The following PIAS1 variants were observed in gnomAD, a reference collection of about 807,000 sequenced individuals.
PIAS1 encodes E3 SUMO-protein ligase PIAS1.
A neutral mutation model predicts 71.3 loss-of-function variants in PIAS1; 6 were observed. The ratio of observed to expected loss-of-function variants is 0.08; its 90% CI spans 0.05 to 0.17. PIAS1 has a LOEUF of 0.17. Ranked by LOEUF, PIAS1 falls within the 10% of genes least tolerant of loss-of-function variation. The pLI, the probability that PIAS1 is intolerant of heterozygous loss-of-function variation, is 1.00. For missense variants in PIAS1, 555 were observed against 793.6 expected (o/e 0.70, Z 3.61); for synonymous variants, 303 against 292.9 (o/e 1.03, Z -0.35).
chr15:68,167,228 A>G lies in PIAS1; in HGVS notation c.1008+2424A>G, dbSNP rs2092963360. Among the ~76,000 whole-genome samples, 1 of 152,128 alleles carries G rather than the reference A, an allele frequency of 6.6e-6. No individual in the cohort carries two copies. Among genetic ancestry groups the G allele is most frequent in the Admixed American group, 6.6e-5 (1 of 15,256 alleles). On this transcript the variant is annotated intron_variant, in intron 8 of 13. Coordinates refer to ENST00000249636, the MANE Select transcript of PIAS1 (RefSeq NM_016166.3). The surrounding 1 kb of genome is among the most constrained non-coding windows in gnomAD (Gnocchi z 4.4). ...GTGTGTGTGTGTATGTGTAAAATGT[A>G]TAATTATAATACTTTCATGGGTTTC...
intron 11 of PIAS1, among the ~76,000 whole-genome samples, chr15:68,179,356 CTT>C (rs2093038314): frequency 6.6e-6 from 1 of 152,044 alleles, no homozygotes; most frequent in African/African-American, 2.4e-5. Context: ...CTTATAATCT[CTT>C]AGACATTGTG....
intron 6 of PIAS1, among the ~76,000 whole-genome samples, chr15:68,149,878 G>A (rs993261741): frequency 6.6e-6 from 1 of 151,990 alleles, no homozygotes; most frequent in Non-Finnish European, 1.5e-5. Flanking sequence ...AAACAATGCA[G>A]GCACTAGTGG....
At chr15:68,183,996 C>G (rs1045991747) in intron 13 of PIAS1, 1 of 171,668 alleles carries the variant, frequency 5.8e-6, no homozygotes, top group African/African-American at 2.4e-5. Flanking sequence ...TTAGAGTGTA[C>G]CTCTACTTTT....
Position 68,174,947 on chromosome 15 carries a change from T to C in PIAS1, c.1170-690T>C, listed in dbSNP as rs577668616. On this transcript the variant is annotated intron_variant, in intron 9 of 13. Transcript: ENST00000249636. This position sits in a 1 kb window ranked among gnomAD's most constrained non-coding sequence, Gnocchi z 4.0. ...AATAGTGATATTTTCCAACTTTATA[T>C]GTTACATAGCTTTAGGTTCTCCCAT... Among the ~76,000 whole-genome samples, 33 of 152,344 alleles carry C rather than the reference T, an allele frequency of 2.2e-4. No homozygotes were observed. In the South Asian group the frequency reaches 4.8e-3, roughly 22 times the overall value.
At chr15:68,179,582 T>TTTTTTTTTTTTTTTTTTTTG (rs2093040985) in intron 11 of PIAS1, among the ~76,000 whole-genome samples, 2 of 121,812 alleles carry the variant, frequency 1.6e-5, no homozygotes, top group Non-Finnish European at 3.4e-5. Context: ...TTTTTTTTTT[T>TTTTTTTTTTTTTTTTTTTTG]TTTTTTTTTT....
intron 1 of PIAS1, among the ~76,000 whole-genome samples, chr15:68,063,709 T>C (rs1004473706): frequency 2.0e-5 from 3 of 152,212 alleles, no homozygotes. Flanking sequence ...TCAAAGTCTA[T>C]TTCTCAGGCC....
At chr15:68,138,916 A>G (rs946196217) in intron 2 of PIAS1, among the ~76,000 whole-genome samples, 10 of 152,210 alleles carry the variant, frequency 6.6e-5, no homozygotes, top group Admixed American at 3.3e-4. Context: ...AGTCTCTTCA[A>G]ATATTTGAAG....
chr15:68,096,876 C>T (rs1595720995), intron 2 of PIAS1, among the ~76,000 whole-genome samples: 1 of 152,168 alleles, frequency 6.6e-6, no homozygotes, highest in Non-Finnish European at 1.5e-5. Flanking sequence ...ATTAATTTTA[C>T]TTCTTTTTAA....
Position 68,106,676 on chromosome 15 carries a change from A to T in PIAS1, c.469+19926A>T, listed in dbSNP as rs890363332. On this transcript the variant is annotated intron_variant, in intron 2 of 13. Transcript: ENST00000249636. Reference sequence around the variant, plus strand: ...CAGGTCTGTAGACATGCCTCTTCTTATACCCCACAAAATCCCCTCCAGTTT... The same window carrying T: ...CAGGTCTGTAGACATGCCTCTTCTTTTACCCCACAAAATCCCCTCCAGTTT... 6.6e-4 allele frequency among the ~76,000 whole-genome samples: 100 copies of T among 151,500 alleles called. 1 individual carries two copies. The highest frequency in any genetic ancestry group is 2.3e-3 in the African/African-American group (96 of 41,234).
chr15:68,116,402 C>T (rs1412204294), intron 2 of PIAS1, among the ~76,000 whole-genome samples: 2 of 152,052 alleles, frequency 1.3e-5, no homozygotes, highest in Non-Finnish European at 2.9e-5. Flanking sequence ...ATAATATTCT[C>T]TTCACATCCA....
intron 3 of PIAS1, 63 bp downstream of exon 3, chr15:68,142,093 A>G (rs2092774718): frequency 2.6e-6 from 3 of 1,174,350 alleles, no homozygotes; most frequent in Non-Finnish European, 2.5e-6. Flanking sequence ...ATAATAAATG[A>G]TTTTAAAAAA....
At chr15:68,089,156 T>G (rs1329076326) in intron 2 of PIAS1, among the ~76,000 whole-genome samples, 1 of 152,242 alleles carries the variant, frequency 6.6e-6, no homozygotes, top group African/African-American at 2.4e-5. Flanking sequence ...GTTTTGTATT[T>G]CTAACTAAAA....
At chr15:68,107,201 A>C (rs1399413520) in intron 2 of PIAS1, among the ~76,000 whole-genome samples, 1 of 152,100 alleles carries the variant, frequency 6.6e-6, no homozygotes, top group East Asian at 1.9e-4. Context: ...CTATTTGTAC[A>C]TGTTTGCTTA....
intron 2 of PIAS1, among the ~76,000 whole-genome samples, chr15:68,125,752 G>A (rs1037282314): frequency 6.6e-6 from 1 of 152,016 alleles, no homozygotes; most frequent in Admixed American, 6.6e-5. Context: ...CCAGGCTGGA[G>A]TACAGTGGCA....
rs983591408 is a variant in PIAS1, at chr15:68,192,629, C to T, written c.*4794C>T. Reference sequence around the variant, plus strand: ...GTTTGGGTCTGAAGCCACACAGCATCGTTGAGACAGTTGCACTAACACTAC... The same window carrying T: ...GTTTGGGTCTGAAGCCACACAGCATTGTTGAGACAGTTGCACTAACACTAC... On this transcript the variant is annotated 3_prime_UTR_variant, in exon 14 of 14. Coordinates refer to ENST00000249636, the MANE Select transcript of PIAS1 (RefSeq NM_016166.3). 6.6e-6 allele frequency: 1 copy of T among 152,218 alleles called. No homozygotes were observed. Among genetic ancestry groups the T allele is most frequent in the Non-Finnish European group, 1.5e-5 (1 of 68,054 alleles). The allele number at this position is 152,218 out of a possible 1,614,324, so 9.4% of individuals were successfully genotyped here. A position where few individuals can be genotyped will look rare whatever the true frequency, so the allele number is the denominator to read the frequency against.
In PIAS1 at chr15:68,070,402, G is replaced by A. The variant is rs141697106; in HGVS notation, c.25-15904G>A. Among the ~76,000 whole-genome samples, 41 of 152,308 alleles carry A rather than the reference G, an allele frequency of 2.7e-4. 2 individuals carry two copies. In the East Asian group the frequency reaches 3.3e-3, roughly 12 times the overall value. On this transcript the variant is annotated intron_variant, in intron 1 of 13. Coordinates refer to ENST00000249636, the MANE Select transcript of PIAS1 (RefSeq NM_016166.3). ...GAAATGTTCGAGTTAGTGATTTTGA[G>A]GGTGGTGCAGGTTCTGCTGGAAATG...
chr15:68,191,150 C>T lies in PIAS1; in HGVS notation c.*3315C>T, dbSNP rs771983818. The stretch of plus-strand genomic sequence containing the variant: ...GATTTCAGAAAGAGAGGGAAAATAG[C>T]TGGTGGTCCCAGAGTGTGCTGCTGT... On this transcript the variant is annotated 3_prime_UTR_variant, in exon 14 of 14. Transcript: ENST00000249636. 1.3e-5 allele frequency: 2 copies of T among 152,546 alleles called. No homozygotes were observed. Among genetic ancestry groups the T allele is most frequent in the African/African-American group, 2.4e-5 (1 of 41,414 alleles). The allele number at this position is 152,546 out of a possible 1,614,324, so 9.4% of individuals were successfully genotyped here. A position where few individuals can be genotyped will look rare whatever the true frequency, so the allele number is the denominator to read the frequency against.
chr15:68,135,215 G>C (rs1476142813), intron 2 of PIAS1, among the ~76,000 whole-genome samples: 1 of 41,856 alleles, frequency 2.4e-5, no homozygotes. Context: ...CCTCCCTCCC[G>C]GAAGGGGTGG....
intron 11 of PIAS1, among the ~76,000 whole-genome samples, chr15:68,177,156 G>A (rs2093025063): frequency 6.6e-6 from 1 of 151,606 alleles, no homozygotes; most frequent in South Asian, 2.1e-4. Flanking sequence ...GCATGCGCCT[G>A]TAATCTCAGC....
Sources: gnomAD v4.1 joint callset for allele counts (sites outside exome capture counted in the v4.1 genomes callset) on GRCh38, gnomAD v4.1.1 for gene constraint, Gnocchi (gnomAD v3.1) non-coding constraint, MANE v1.5 for transcripts, NCBI Gene and HGNC (gene_info 2026-07-23, HGNC 2026-07-21) for gene names.